Variants in TMEM39B observed in about 807,000 individuals in gnomAD.
TMEM39B encodes transmembrane protein 39B.
TMEM39B carries 23 observed loss-of-function variants against 52.2 expected under a neutral mutation model. That is an observed-to-expected ratio of 0.44 (90% CI 0.32 to 0.62). The LOEUF (loss-of-function observed/expected upper bound fraction) is 0.62. TMEM39B is among the 20% of genes least tolerant of loss of function. TMEM39B has a pLI of 0.06. For synonymous variants in TMEM39B, 285 were observed against 264.0 expected (o/e 1.08, Z -0.77); for missense variants, 547 against 642.0 (o/e 0.85, Z 1.60).
intron 1 of TMEM39B, 23 bp from the exon 2 acceptor site, chr1:32,074,928 C>CT: frequency 6.5e-7 from 1 of 1,542,648 alleles, no homozygotes; most frequent in South Asian, 1.2e-5. Context: ...GCTTGAGGCT[C>CT]TATTTTATGT....
Position 32,100,452 on chromosome 1 carries a change from G to A in TMEM39B, c.1126G>A (p.Glu376Lys). 6.3e-7 allele frequency: 1 copy of A among 1,597,548 alleles called. No individual in the cohort carries two copies. Among genetic ancestry groups the A allele is most frequent in the Non-Finnish European group, 8.5e-7 (1 of 1,171,810 alleles). ...SNVLQHPWTE[E>K]CMWPQGVLVK... ...GAACTGTGCCCCCAGGTGGACTGAAGAATGCATGTGGCCGCAGGGCGTGCT... is the reference window on the plus strand; with the variant it reads ...GAACTGTGCCCCCAGGTGGACTGAAAAATGCATGTGGCCGCAGGGCGTGCT... The change falls in exon 8 of 9, where the codon GAA (glutamate) becomes AAA (lysine). Residue 376 changes from glutamate (E) to lysine (K), a missense_variant. Physicochemically the swap from Glu to Lys is moderately conservative, Grantham distance 56. Coordinates refer to ENST00000336294, the MANE Select transcript of TMEM39B (RefSeq NM_018056.4).
intron 4 of TMEM39B, 143 bp downstream of exon 4, chr1:32,076,989 C>T (rs940578076): frequency 2.4e-6 from 3 of 1,268,084 alleles, no homozygotes; most frequent in African/African-American, 3.0e-5. Flanking sequence ...TTAGTTACAT[C>T]CCATCTTGGA....
At chr1:32,090,223 CTA>C (rs1640547046) in intron 5 of TMEM39B, among the ~76,000 whole-genome samples, 1 of 152,038 alleles carries the variant, frequency 6.6e-6, no homozygotes, top group Non-Finnish European at 1.5e-5. Flanking sequence ...CTTTTCTAGA[CTA>C]TGGGCCCATC....
chr1:32,098,171 T>G (rs1640884777), intron 7 of TMEM39B, among the ~76,000 whole-genome samples: 1 of 151,718 alleles, frequency 6.6e-6, no homozygotes, highest in Non-Finnish European at 1.5e-5. Context: ...TAATTTTTTT[T>G]TGTATTTTTA....
intron 7 of TMEM39B, among the ~76,000 whole-genome samples, chr1:32,098,695 C>T (rs1021787937): frequency 1.3e-5 from 2 of 152,020 alleles, no homozygotes; most frequent in African/African-American, 2.4e-5. Context: ...ATAGAGATAG[C>T]GCCACTGCAG....
Position 32,089,408 on chromosome 1 carries a change from A to G in TMEM39B, c.591-2267A>G, listed in dbSNP as rs7527228. 6.7e-3 allele frequency among the ~76,000 whole-genome samples: 1,023 copies of G among 152,122 alleles called. 7 individuals are homozygous for G. Among genetic ancestry groups the G allele is most frequent in the African/African-American group, 0.022 (933 of 41,512 alleles). ...CTGCCTCCCGAAGTGCTGGGATTAC[A>G]GGTTTGAACCACCACACCCAGCCCA... On this transcript the variant is annotated intron_variant, in intron 5 of 8. Coordinates refer to ENST00000336294, the MANE Select transcript of TMEM39B (RefSeq NM_018056.4).
chr1:32,077,380 C>G (rs1017660646), intron 5 of TMEM39B, 62 bp downstream of exon 5: 1 of 1,585,030 alleles, frequency 6.3e-7, no homozygotes, highest in Admixed American at 1.7e-5. Context: ...CTGCCCTGAC[C>G]GTAGCTGGCT....
intron 5 of TMEM39B, among the ~76,000 whole-genome samples, chr1:32,083,088 T>G (rs1453141382): frequency 5.4e-5 from 8 of 147,088 alleles, no homozygotes; most frequent in South Asian, 4.4e-4. Flanking sequence ...TTTTTTTTTT[T>G]TTTTTTTTTT....
chr1:32,088,871 C>T (rs1458421977), intron 5 of TMEM39B, among the ~76,000 whole-genome samples: 1 of 152,018 alleles, frequency 6.6e-6, no homozygotes, highest in East Asian at 1.9e-4. Flanking sequence ...CCATTTTAGT[C>T]TTTTTTCCTG....
At chr1:32,081,574 C>A (rs191983511) in intron 5 of TMEM39B, among the ~76,000 whole-genome samples, 1 of 152,038 alleles carries the variant, frequency 6.6e-6, no homozygotes, top group African/African-American at 2.4e-5. Flanking sequence ...ATGGTGAAAC[C>A]CTTTCTCTAC....
chr1:32,100,362 G>C (rs1640972300), intron 7 of TMEM39B, 80 bp from the exon 8 acceptor site: 1 of 1,454,344 alleles, frequency 6.9e-7, no homozygotes, highest in African/African-American at 1.4e-5. Flanking sequence ...GAGCCCTGGT[G>C]ATTCCCTCCT....
intron 5 of TMEM39B, among the ~76,000 whole-genome samples, chr1:32,077,596 G>A (rs1346781771): frequency 6.6e-6 from 1 of 152,068 alleles, no homozygotes; most frequent in Non-Finnish European, 1.5e-5. Flanking sequence ...TTCCCAAGAG[G>A]GAATGTATGG....
chr1:32,072,974 C>A lies in TMEM39B; in HGVS notation c.-74C>A. The A allele has an allele frequency of 6.6e-7, 1 of 1,526,140 alleles. No individual in the cohort carries two copies. Among genetic ancestry groups the A allele is most frequent in the Non-Finnish European group, 8.8e-7 (1 of 1,135,194 alleles). The allele number at this position is 1,526,140 out of a possible 1,614,324, so 94.5% of individuals were successfully genotyped here. The stretch of plus-strand genomic sequence containing the variant: ...ACTGGGCTGCGGCGGTTAGTCCTCT[C>A]CCGGCCGCCGTCGCCTCCGACATAT... On this transcript the variant is annotated 5_prime_UTR_variant, in exon 1 of 9. Coordinates refer to ENST00000336294, the MANE Select transcript of TMEM39B (RefSeq NM_018056.4).
At chr1:32,078,601 A>G (rs116612779) in intron 5 of TMEM39B, among the ~76,000 whole-genome samples, 109 of 152,216 alleles carry the variant, frequency 7.2e-4, no homozygotes, top group African/African-American at 2.5e-3. Context: ...ACTGGCAGCA[A>G]TTTTCCCAAA....
In TMEM39B at chr1:32,076,648, T is replaced by G. The variant is rs755360644; in HGVS notation, c.352-115T>G. On this transcript the variant is annotated intron_variant, in intron 3 of 8. Coordinates refer to ENST00000336294, the MANE Select transcript of TMEM39B (RefSeq NM_018056.4). ...TGACTCAGCTGGAGGCCGATGAAGG[T>G]CAGAGAATGAGGACAGTCTCTGTGG... is the stretch of plus-strand genomic sequence containing the variant. The G allele has an allele frequency of 1.6e-5, 17 of 1,066,926 alleles. 1 individual carries two copies. In the South Asian group the frequency reaches 2.1e-4, roughly 13 times the overall value. 66.1% of individuals were successfully genotyped at this position (1,066,926 alleles called of 1,614,324 possible).
intron 5 of TMEM39B, among the ~76,000 whole-genome samples, 190 bp downstream of exon 5, chr1:32,077,508 G>T (rs1399203924): frequency 6.6e-6 from 1 of 152,184 alleles, no homozygotes; most frequent in Non-Finnish European, 1.5e-5. Context: ...CGAAACTGAG[G>T]TGGCATAATT....
At chr1:32,082,423 G>T (rs115351135) in intron 5 of TMEM39B, among the ~76,000 whole-genome samples, 1,839 of 152,132 alleles carry the variant, frequency 0.012, 39 homozygotes, top group African/African-American at 0.042. Context: ...TAGTTACAGA[G>T]TTACAGTCTT....
chr1:32,099,390 A>C (rs952612603), intron 7 of TMEM39B, among the ~76,000 whole-genome samples: 1 of 152,192 alleles, frequency 6.6e-6, no homozygotes, highest in Non-Finnish European at 1.5e-5. Flanking sequence ...TGGGTGCAGC[A>C]CACCAATGTG....
Position 32,102,720 on chromosome 1 carries a change from TCCC to T in TMEM39B, c.*48_*50del, listed in dbSNP as rs1641066357. On this transcript the variant is annotated 3_prime_UTR_variant, in exon 9 of 9. Transcript: ENST00000336294. ...CAGCGTCCAGGCTTCAGCCAAGGGCTCCCTGGCAAGGGGCTGTTGGGTAGAAGT... is the reference window on the plus strand; with the variant it reads ...CAGCGTCCAGGCTTCAGCCAAGGGCTTGGCAAGGGGCTGTTGGGTAGAAGT... 1.4e-6 allele frequency: 2 copies of T among 1,417,596 alleles called. No homozygotes were observed. Among genetic ancestry groups the T allele is most frequent in the Non-Finnish European group, 1.9e-6 (2 of 1,077,776 alleles). The allele number at this position is 1,417,596 out of a possible 1,614,324, so 87.8% of individuals were successfully genotyped here.
Sources: gnomAD v4.1 joint callset for allele counts (sites outside exome capture counted in the v4.1 genomes callset) on GRCh38, gnomAD v4.1.1 for gene constraint, MANE v1.5 for transcripts, NCBI Gene and HGNC (gene_info 2026-07-23, HGNC 2026-07-21) for gene names.